Variants in NAALADL2 observed in about 807,000 individuals in gnomAD.
NAALADL2 encodes inactive N-acetylated-alpha-linked acidic dipeptidase-like protein 2.
Under a neutral mutation model 87.2 loss-of-function variants are expected in NAALADL2, and 76 were observed. The ratio of observed to expected loss-of-function variants is 0.87; its 90% CI spans 0.72 to 1.05. NAALADL2 has a LOEUF of 1.05. Among genes scored for constraint, NAALADL2 ranks in the 50% least tolerant of loss-of-function variants. The pLI is 0.00. For synonymous variants in NAALADL2, 354 were observed against 331.0 expected (o/e 1.07, Z -0.75); for missense variants, 1,089 against 945.8 (o/e 1.15, Z -1.99).
intron 2 of NAALADL2, among the ~76,000 whole-genome samples, chr3:175,193,328 A>G (rs1021215344): frequency 2.0e-5 from 3 of 151,874 alleles, no homozygotes; most frequent in African/African-American, 7.2e-5. Flanking sequence ...ATAGATATGA[A>G]AGTATTAATT....
At chr3:175,310,687 G>A (rs143625760) in intron 4 of NAALADL2, among the ~76,000 whole-genome samples, 193 of 150,522 alleles carry the variant, frequency 1.3e-3, no homozygotes, top group African/African-American at 4.4e-3. Flanking sequence ...CTTACTCAAT[G>A]AAAAAAAAAT....
intron 9 of NAALADL2, among the ~76,000 whole-genome samples, chr3:175,557,913 G>A (rs1187226756): frequency 6.6e-6 from 1 of 152,038 alleles, no homozygotes; most frequent in African/African-American, 2.4e-5. Context: ...GTCTAATCAG[G>A]GCCGGGCGCG....
intron 9 of NAALADL2, among the ~76,000 whole-genome samples, chr3:175,494,674 C>T (rs1348180219): frequency 6.6e-6 from 1 of 152,062 alleles, no homozygotes; most frequent in East Asian, 1.9e-4. Flanking sequence ...CTAATACCCA[C>T]AGGTACCGAT....
intron 1 of NAALADL2, among the ~76,000 whole-genome samples, chr3:174,469,295 T>C (rs1273816321): frequency 1.3e-5 from 2 of 151,934 alleles, no homozygotes; most frequent in African/African-American, 4.8e-5. Flanking sequence ...TCTCGCTCTG[T>C]CGCCCAGGCT....
chr3:175,387,062 G>T (rs1251901840), intron 5 of NAALADL2, among the ~76,000 whole-genome samples: 2 of 152,118 alleles, frequency 1.3e-5, no homozygotes, highest in Non-Finnish European at 2.9e-5. Context: ...AAACTGTGAA[G>T]TGGGAAAATT....
chr3:174,441,274 G>GC (rs1399892737), intron 1 of NAALADL2, among the ~76,000 whole-genome samples: 4 of 152,080 alleles, frequency 2.6e-5, no homozygotes, highest in Non-Finnish European at 2.9e-5. Context: ...GGCGCGCGGG[G>GC]CACCTGGCTC....
At chr3:175,458,081 A>G (rs1224296446) in intron 6 of NAALADL2, among the ~76,000 whole-genome samples, 2 of 151,874 alleles carry the variant, frequency 1.3e-5, no homozygotes, top group Non-Finnish European at 1.5e-5. Context: ...TTCTTCGGGT[A>G]TTTCTTTAGT....
At chr3:175,196,996 A>G (rs1428119707) in intron 2 of NAALADL2, among the ~76,000 whole-genome samples, 3 of 152,010 alleles carry the variant, frequency 2.0e-5, no homozygotes, top group Non-Finnish European at 4.4e-5. Flanking sequence ...AAATAAGAAA[A>G]AAATAGGTGA....
At chr3:174,676,781 C>T (rs977217812) in intron 2 of NAALADL2, among the ~76,000 whole-genome samples, 1 of 151,708 alleles carries the variant, frequency 6.6e-6, no homozygotes, top group Non-Finnish European at 1.5e-5. Context: ...GTTAATAATT[C>T]TCAGATTTGC....
chr3:175,580,453 T>C (rs150890162), intron 10 of NAALADL2, among the ~76,000 whole-genome samples: 10 of 152,192 alleles, frequency 6.6e-5, no homozygotes, highest in African/African-American at 2.4e-4. Flanking sequence ...CAGTCTTTCA[T>C]TACATTTTCT....
chr3:174,776,296 G>A (rs1197687222), intron 3 of NAALADL2, among the ~76,000 whole-genome samples: 1 of 152,030 alleles, frequency 6.6e-6, no homozygotes, highest in African/African-American at 2.4e-5. Flanking sequence ...GAGTGACTTC[G>A]CAAAGTGTAT....
chr3:175,669,128 T>A (rs879033885), intron 11 of NAALADL2, among the ~76,000 whole-genome samples: 3 of 152,106 alleles, frequency 2.0e-5, no homozygotes, highest in Admixed American at 1.3e-4. Context: ...CCCATAATAC[T>A]ATTCTAATTT....
At chr3:174,715,671 G>C (rs543731753) in intron 2 of NAALADL2, among the ~76,000 whole-genome samples, 1 of 152,282 alleles carries the variant, frequency 6.6e-6, no homozygotes, top group East Asian at 1.9e-4. Context: ...AATGGTTATA[G>C]AAAGCATTCT....
chr3:175,043,554 C>T (rs1754333389), intron 1 of NAALADL2, among the ~76,000 whole-genome samples: 1 of 152,086 alleles, frequency 6.6e-6, no homozygotes, highest in Admixed American at 6.6e-5. Flanking sequence ...GGTCTTTAAT[C>T]TATTTTAAGT....
chr3:175,802,948 T>A, intron 13 of NAALADL2, 57 bp from the exon 14 acceptor site: 7 of 1,118,164 alleles, frequency 6.3e-6, no homozygotes, highest in Middle Eastern at 2.0e-4. Context: ...ATTCCAACGT[T>A]TGATAGAAAA....
rs71864158 is a variant in NAALADL2, at chr3:175,029,051, A to ATG, written c.44-67738_44-67737insGT. 3.3e-3 allele frequency among the ~76,000 whole-genome samples: 494 copies of ATG among 147,988 alleles called. 21 individuals carry two copies. The East Asian group carries it at 0.081, about 24-fold the overall frequency. The stretch of plus-strand genomic sequence containing the variant: ...ATATGTAAAATCATATATTAAAATT[A>ATG]TATATATATATATAAAAAACTCAAA... On this transcript the variant is annotated intron_variant, in intron 1 of 13. Transcript: ENST00000454872.
chr3:174,796,665 C>A (rs1718135023), intron 3 of NAALADL2, among the ~76,000 whole-genome samples: 2 of 59,272 alleles, frequency 3.4e-5, no homozygotes, highest in Non-Finnish European at 7.1e-5. Flanking sequence ...CTATTGTGAA[C>A]AGTGCTGCAG....
chr3:174,763,790 G>A (rs568249877), intron 3 of NAALADL2, among the ~76,000 whole-genome samples: 58 of 146,368 alleles, frequency 4.0e-4, no homozygotes, highest in African/African-American at 1.4e-3. Flanking sequence ...CTATACATCA[G>A]TTTTCTTTTC....
intron 4 of NAALADL2, among the ~76,000 whole-genome samples, chr3:175,321,024 A>T (rs1339509101): frequency 6.6e-6 from 1 of 151,700 alleles, no homozygotes; most frequent in Non-Finnish European, 1.5e-5. Flanking sequence ...CCGGGCAGAG[A>T]CACAACCAAA....
Sources: allele counts gnomAD v4.1 joint callset (sites outside exome capture counted in the v4.1 genomes callset), GRCh38; gene constraint gnomAD v4.1.1; transcripts MANE v1.5; gene names NCBI Gene and HGNC (gene_info 2026-07-23, HGNC 2026-07-21).